The following SLC38A6 variants were observed in gnomAD, a reference collection of about 807,000 sequenced individuals.
The protein encoded by SLC38A6 is solute carrier family 38 member 6.
In SLC38A6, 73 loss-of-function variants were observed where a neutral mutation model predicts 65.0. The observed-to-expected ratio is 1.12, with a 90% CI of 0.93 to 1.37. The LOEUF (loss-of-function observed/expected upper bound fraction) is 1.37. SLC38A6 is among the 40% of genes most tolerant of loss of function. SLC38A6 has a pLI of 0.00. For missense variants in SLC38A6, 561 were observed against 531.1 expected (o/e 1.06, Z -0.55); for synonymous variants, 183 against 178.8 (o/e 1.02, Z -0.19).
At chr14:61,071,908 GGA>G (rs1762653391) in intron 15 of SLC38A6, among the ~76,000 whole-genome samples, 1 of 152,156 alleles carries the variant, frequency 6.6e-6, no homozygotes, top group Non-Finnish European at 1.5e-5. Flanking sequence ...GTGTATTTAG[GGA>G]GTTTTCCCAT....
chr14:61,030,460 T>C lies in SLC38A6; in HGVS notation c.419T>C (p.Leu140Pro). The change falls in exon 6 of 16, where the codon CTT (leucine) becomes CCT (proline). Residue 140 changes from leucine to proline, a missense_variant. Physicochemically the swap from Leu to Pro is moderately conservative, Grantham distance 98. Transcript: ENST00000267488. Reference protein sequence around the residue: ...IQNIGAMSSYLLIIKTELPAA... With the variant: ...IQNIGAMSSYPLIIKTELPAA... ...TCTTTTGCAGCTATGTCATCTTATC[T>C]TTTAATTATTAAAACAGAGCTTCCT... The C allele has an allele frequency of 6.2e-7, 1 of 1,609,840 alleles. No individual in the cohort carries two copies. The highest frequency in any genetic ancestry group is 1.1e-5 in the South Asian group (1 of 90,262).
chr14:60,983,616 A>G (rs2037238433), intron 2 of SLC38A6, among the ~76,000 whole-genome samples: 1 of 152,168 alleles, frequency 6.6e-6, no homozygotes, highest in Non-Finnish European at 1.5e-5. Flanking sequence ...TAAAATGCCT[A>G]GGGAGTCTCT....
chr14:61,019,590 T>A lies in SLC38A6; in HGVS notation c.403+10T>A. The A allele has an allele frequency of 6.2e-7, 1 of 1,612,586 alleles. No homozygotes were observed. Among genetic ancestry groups the A allele is most frequent in the Non-Finnish European group, 8.5e-7 (1 of 1,178,708 alleles). ...ATTCAGAATATTGGAGGTAAGCAAT[T>A]GCAAGTGCACTGTTTATACATAAAT... On this transcript the variant is annotated intron_variant, in intron 5 of 15. Coordinates refer to ENST00000267488, the MANE Select transcript of SLC38A6 (RefSeq NM_153811.3).
chr14:60,993,178 G>A (rs1018766875), intron 3 of SLC38A6, among the ~76,000 whole-genome samples: 3 of 152,118 alleles, frequency 2.0e-5, no homozygotes, highest in Admixed American at 6.6e-5. Flanking sequence ...CTGTCTTCAT[G>A]GTGCTGTTTT....
intron 5 of SLC38A6, among the ~76,000 whole-genome samples, chr14:61,023,538 A>G (rs2040447319): frequency 6.8e-6 from 1 of 146,888 alleles, no homozygotes; most frequent in South Asian, 2.2e-4. Flanking sequence ...TCGCCACTGA[A>G]CTCCAACCTG....
chr14:61,061,438 G>T (rs2042838168), intron 15 of SLC38A6, among the ~76,000 whole-genome samples: 7 of 152,122 alleles, frequency 4.6e-5, no homozygotes. Context: ...TCAAGGTGAT[G>T]CTGGCCTCAT....
chr14:60,982,452 G>A (rs1255337884), intron 1 of SLC38A6, 56 bp from the exon 2 acceptor site: 2 of 1,575,322 alleles, frequency 1.3e-6, no homozygotes, highest in African/African-American at 1.4e-5. Context: ...ATTTCTTTAC[G>A]AAATTTTAAC....
At chr14:61,081,013 G>C (rs536752550) in intron 16 of SLC38A6, among the ~76,000 whole-genome samples, 105 of 152,252 alleles carry the variant, frequency 6.9e-4, no homozygotes, top group African/African-American at 2.4e-3. Flanking sequence ...CTTGGATTTC[G>C]GTTTTCTGGC....
intron 4 of SLC38A6, among the ~76,000 whole-genome samples, chr14:61,017,485 T>C (rs1030600115): frequency 2.0e-5 from 3 of 152,230 alleles, no homozygotes; most frequent in African/African-American, 7.2e-5. Flanking sequence ...TTAGTAGCAA[T>C]GTTTCTGTTC....
chr14:60,982,725 T>C, intron 2 of SLC38A6, 87 bp downstream of exon 2: 3 of 1,383,912 alleles, frequency 2.2e-6, no homozygotes, highest in Non-Finnish European at 2.9e-6. Context: ...GAAGCTGCTA[T>C]TATACAATTT....
chr14:61,038,511 C>T (rs2041557025), intron 8 of SLC38A6, among the ~76,000 whole-genome samples: 1 of 152,014 alleles, frequency 6.6e-6, no homozygotes, highest in Non-Finnish European at 1.5e-5. Context: ...TTTTCATAAG[C>T]TTGGTTCAAC....
At chr14:61,017,959 T>C (rs936673437) in intron 4 of SLC38A6, among the ~76,000 whole-genome samples, 1 of 152,216 alleles carries the variant, frequency 6.6e-6, no homozygotes, top group African/African-American at 2.4e-5. Context: ...TTGAAATGTT[T>C]TGAACTTGTT....
At chr14:61,025,736 T>G (rs555666733) in intron 5 of SLC38A6, among the ~76,000 whole-genome samples, 1 of 152,272 alleles carries the variant, frequency 6.6e-6, no homozygotes, top group Admixed American at 6.5e-5. Flanking sequence ...GGGGAGCATT[T>G]TCCCCCATAT....
At chr14:61,018,519 G>A (rs902027705) in intron 4 of SLC38A6, among the ~76,000 whole-genome samples, 1 of 152,124 alleles carries the variant, frequency 6.6e-6, no homozygotes. Flanking sequence ...ACAAAGATGG[G>A]CATGAAAGAT....
At chr14:61,073,191 T>C (rs2043287876) in intron 15 of SLC38A6, among the ~76,000 whole-genome samples, 1 of 152,254 alleles carries the variant, frequency 6.6e-6, no homozygotes, top group Non-Finnish European at 1.5e-5. Flanking sequence ...TTTTGAGAAA[T>C]GTCTATTCAA....
chr14:61,083,678 T>G (rs1158314746), exon 17 of SLC38A6: 12 of 1,549,886 alleles, frequency 7.7e-6, no homozygotes, highest in Non-Finnish European at 1.0e-5. Flanking sequence ...ACCTTGATCT[T>G]GCACTTCCCA....
chr14:61,046,218 C>T lies in SLC38A6; in HGVS notation c.925+51C>T, dbSNP rs1477361705. 8 of 1,192,172 alleles carry T rather than the reference C, an allele frequency of 6.7e-6. No individual in the cohort carries two copies. The Admixed American group carries it at 1.5e-4, about 22-fold the overall frequency. 73.8% of individuals were successfully genotyped at this position (1,192,172 alleles called of 1,614,324 possible). On this transcript the variant is annotated intron_variant, in intron 12 of 15. Coordinates refer to ENST00000267488, the MANE Select transcript of SLC38A6 (RefSeq NM_153811.3). ...GACAAAATAATAGTTACATAGATGG[C>T]CTCACGCCAATCTATAGACTTTACC...
At chr14:61,045,989 C>T (rs377427914) in intron 11 of SLC38A6, 78 bp from the exon 12 acceptor site, 8 of 790,014 alleles carry the variant, frequency 1.0e-5, no homozygotes, top group Admixed American at 2.6e-5. Flanking sequence ...GGAATTCTCT[C>T]GACCAGCTTA....
At chr14:61,014,909 G>T (rs1299631563) in intron 3 of SLC38A6, among the ~76,000 whole-genome samples, 2 of 152,212 alleles carry the variant, frequency 1.3e-5, no homozygotes, top group Admixed American at 1.3e-4. Flanking sequence ...TCTCATCAAA[G>T]CTGTCAGACA....
Sources: gnomAD v4.1 joint callset for allele counts (sites outside exome capture counted in the v4.1 genomes callset) on GRCh38, gnomAD v4.1.1 for gene constraint, MANE v1.5 for transcripts, NCBI Gene and HGNC (gene_info 2026-07-23, HGNC 2026-07-21) for gene names.